The following FTO variants were observed in gnomAD, a reference collection of about 807,000 sequenced individuals.
FTO encodes the protein FTO alpha-ketoglutarate dependent dioxygenase.
In FTO, 47 loss-of-function variants were observed where a neutral mutation model predicts 63.9. The ratio of observed to expected loss-of-function variants is 0.74; its 90% CI spans 0.58 to 0.94. FTO has a LOEUF of 0.94. Ranked by LOEUF, FTO falls within the 40% of genes least tolerant of loss-of-function variation. The pLI is 0.00. For synonymous variants in FTO, 207 were observed against 224.4 expected, an observed-to-expected ratio of 0.92 and a Z score of 0.69; for missense variants, 562 against 618.1, an observed-to-expected ratio of 0.91 and a Z score of 0.96.
intron 5 of FTO, among the ~76,000 whole-genome samples, chr16:53,874,899 G>A (rs2080603149): frequency 6.6e-6 from 1 of 152,074 alleles, no homozygotes; most frequent in Non-Finnish European, 1.5e-5. Flanking sequence ...AAAACTGTAG[G>A]CCTGGGAGAT....
intron 7 of FTO, among the ~76,000 whole-genome samples, chr16:53,902,943 A>G (rs2081439837): frequency 6.6e-6 from 1 of 152,230 alleles, no homozygotes; most frequent in East Asian, 1.9e-4. Flanking sequence ...CCTTGCCTCT[A>G]CAAAAAATGC....
At chr16:53,723,546 A>G (rs1032891642) in intron 1 of FTO, among the ~76,000 whole-genome samples, 5 of 152,096 alleles carry the variant, frequency 3.3e-5, no homozygotes, top group Non-Finnish European at 7.4e-5. Flanking sequence ...TAAACATCTC[A>G]CTTTACAGAA....
intron 1 of FTO, among the ~76,000 whole-genome samples, chr16:53,757,974 G>C (rs1204466257): frequency 6.6e-6 from 1 of 152,164 alleles, no homozygotes; most frequent in Non-Finnish European, 1.5e-5. Context: ...TGTTCCGTTG[G>C]AGTATTCAGC....
chr16:54,081,137 G>T (rs557758281), intron 8 of FTO, among the ~76,000 whole-genome samples: 6 of 152,170 alleles, frequency 3.9e-5, no homozygotes, highest in African/African-American at 1.2e-4. Context: ...ACAAAAGAAT[G>T]TGTCTCTTGT....
intron 7 of FTO, among the ~76,000 whole-genome samples, chr16:53,889,381 C>T (rs113637426): frequency 0.019 from 2,896 of 152,176 alleles, 77 homozygotes; most frequent in African/African-American, 0.06. Flanking sequence ...AGGGCCTCCC[C>T]CAGGGTCACT....
At chr16:54,054,055 T>A (rs1291582397) in intron 8 of FTO, among the ~76,000 whole-genome samples, 1 of 152,086 alleles carries the variant, frequency 6.6e-6, no homozygotes, top group Non-Finnish European at 1.5e-5. Flanking sequence ...TTTAGTTATT[T>A]GTTGTAATTA....
intron 8 of FTO, among the ~76,000 whole-genome samples, chr16:54,006,315 T>C (rs2084203492): frequency 6.6e-6 from 1 of 152,232 alleles, no homozygotes; most frequent in Non-Finnish European, 1.5e-5. Flanking sequence ...AAAGGCTAAG[T>C]AAGAATTCTG....
At chr16:54,017,438 T>G (rs2084476281) in intron 8 of FTO, among the ~76,000 whole-genome samples, 1 of 148,788 alleles carries the variant, frequency 6.7e-6, no homozygotes, top group Admixed American at 7.1e-5. Flanking sequence ...TTGGCTTACA[T>G]TAGAAGGAGC....
chr16:53,937,201 C>T, intron 8 of FTO: 1 of 398,564 alleles, frequency 2.5e-6, no homozygotes, highest in Admixed American at 4.4e-5. Flanking sequence ...ATCCCATAAA[C>T]AACCCTCTCC....
intron 7 of FTO, among the ~76,000 whole-genome samples, chr16:53,911,892 G>A (rs2081719067): frequency 6.6e-6 from 1 of 152,214 alleles, no homozygotes; most frequent in Admixed American, 6.5e-5. Flanking sequence ...AAAACAGATT[G>A]TTGATTTTGT....
intron 8 of FTO, chr16:53,937,358 T>G: frequency 2.5e-6 from 1 of 398,304 alleles, no homozygotes; most frequent in Non-Finnish European, 4.4e-6. Context: ...CAGTCCCCTC[T>G]GCCTGATGGA....
intron 8 of FTO, among the ~76,000 whole-genome samples, chr16:54,073,937 A>G (rs1424471584): frequency 6.6e-6 from 1 of 152,148 alleles, no homozygotes; most frequent in Non-Finnish European, 1.5e-5. Context: ...TTAACAACCA[A>G]TTGTTTGCAC....
chr16:53,796,739 A>T (rs2078083849), intron 1 of FTO, among the ~76,000 whole-genome samples: 4 of 152,348 alleles, frequency 2.6e-5, no homozygotes, highest in South Asian at 2.1e-4. Flanking sequence ...TTTTATAGGC[A>T]CGTTAAACCA....
rs187897686 is a variant in FTO, at chr16:53,800,805, G to A, written c.46-9335G>A. 2.5e-3 allele frequency among the ~76,000 whole-genome samples: 386 copies of A among 151,756 alleles called. 2 individuals are homozygous for A. Among genetic ancestry groups the A allele is most frequent in the African/African-American group, 9.0e-3 (372 of 41,430 alleles). ...AGCCACTTCAACTTTCTTTTAATTAGTATTACTGGGTAAATTTTTTTCCAA... is the reference window on the plus strand; with the variant it reads ...AGCCACTTCAACTTTCTTTTAATTAATATTACTGGGTAAATTTTTTTCCAA... On this transcript the variant is annotated intron_variant, in intron 1 of 8. Transcript: ENST00000471389.
intron 1 of FTO, among the ~76,000 whole-genome samples, chr16:53,712,829 T>C (rs1458722904): frequency 6.6e-6 from 1 of 152,196 alleles, no homozygotes; most frequent in Non-Finnish European, 1.5e-5. Context: ...GTGATATATG[T>C]GACCCTTCAT....
At chr16:53,836,552 T>C (rs966256181) in intron 3 of FTO, among the ~76,000 whole-genome samples, 2 of 152,240 alleles carry the variant, frequency 1.3e-5, no homozygotes, top group Non-Finnish European at 2.9e-5. Context: ...AGTTACATTG[T>C]GGCCACTGTT....
chr16:54,002,241 T>G (rs2084084692), intron 8 of FTO, among the ~76,000 whole-genome samples: 1 of 152,200 alleles, frequency 6.6e-6, no homozygotes, highest in African/African-American at 2.4e-5. Flanking sequence ...CTTCAACTCC[T>G]GGGCTCAGGC....
chr16:53,744,080 A>G (rs2076591606), intron 1 of FTO, among the ~76,000 whole-genome samples: 1 of 152,074 alleles, frequency 6.6e-6, no homozygotes, highest in Non-Finnish European at 1.5e-5. Context: ...GGCTCCCTTC[A>G]GGAAGGCTAC....
chr16:53,990,654 C>T (rs888816753), intron 8 of FTO, among the ~76,000 whole-genome samples: 65 of 82,806 alleles, frequency 7.8e-4, no homozygotes, highest in African/African-American at 3.6e-3. Context: ...TTTTCCTTTT[C>T]TTTTTATTTT....
Sources: gnomAD v4.1 joint callset for allele counts (sites outside exome capture counted in the v4.1 genomes callset) on GRCh38, gnomAD v4.1.1 for gene constraint, MANE v1.5 for transcripts, NCBI Gene and HGNC (gene_info 2026-07-23, HGNC 2026-07-21) for gene names.